Variants in SRRM5 observed in about 807,000 individuals in gnomAD.
SRRM5 encodes the protein serine/arginine repetitive matrix protein 5.
Under a neutral mutation model 1.3 loss-of-function variants are expected in SRRM5, and 1 was observed. That is an observed-to-expected ratio of 0.76 (90% CI 0.27 to 3.59). SRRM5 has a LOEUF of 3.59. Among genes scored for constraint, SRRM5 ranks in the 30% most tolerant of loss-of-function variants. The probability of loss-of-function intolerance (pLI) is 0.19; values close to 1 mark genes in which losing one functional copy is unlikely to be tolerated. For missense variants in SRRM5, 875 were observed against 914.5 expected (o/e 0.96, Z 0.56); for synonymous variants, 275 against 320.2 (o/e 0.86, Z 1.51).
chr19:43,614,101 C>G lies in SRRM5; in HGVS notation c.1980C>G (p.Ser660Arg). The G allele has an allele frequency of 6.3e-7, 1 of 1,581,782 alleles. No homozygotes were observed. The highest frequency in any genetic ancestry group is 1.3e-5 in the African/African-American group (1 of 74,114). The change falls in exon 1 of 1, where the codon AGC (serine) becomes AGG (arginine). Residue 660 changes from serine (S) to arginine (R), a missense_variant. Coordinates refer to ENST00000417606, the MANE Select transcript of SRRM5 (RefSeq NM_001145641.2). The stretch of plus-strand genomic sequence containing the variant: ...GGAAGAGATCCCCTACTAGGACAAG[C>G]AGTCTCAGTCAGAATAGAACCCCTA... ...PDWKRSPTRTSSLSQNRTPSK... is the reference protein window; with the variant it reads ...PDWKRSPTRTRSLSQNRTPSK...
At position 43,613,675 on chromosome 19, in the gene SRRM5, G is replaced by C; in HGVS notation, c.1554G>C (p.Glu518Asp). The stretch of plus-strand genomic sequence containing the variant: ...GACAATCTAGAAGCTCCAGCAAAGA[G>C]AGAGATCACAGACGATCTAGAAGCC... ...QCRQSRSSSK[E>D]RDHRRSRSPS... is the part of the protein sequence containing the mutation. The change falls in exon 1 of 1, where the codon GAG (glutamate) becomes GAC (aspartate). Residue 518 changes from glutamate to aspartate, a missense_variant. By Grantham distance (45) the Glu-to-Asp change is conservative (BLOSUM62 2). Transcript: ENST00000417606. 6.4e-7 allele frequency: 1 copy of C among 1,551,526 alleles called. No homozygotes were observed. The highest frequency in any genetic ancestry group is 8.7e-7 in the Non-Finnish European group (1 of 1,146,952).
rs766352511 is a variant in SRRM5, at chr19:43,614,165, G to A, written c.2044G>A (p.Gly682Arg). 1.1e-4 allele frequency: 174 copies of A among 1,613,968 alleles called. No individual in the cohort carries two copies. Among genetic ancestry groups the A allele is most frequent in the Non-Finnish European group, 1.4e-4 (164 of 1,179,984 alleles). Residue 682 changes from glycine (G) to arginine (R), a missense_variant, in exon 1 of 1, where the codon GGG (glycine) becomes AGG (arginine). Gly to Arg is a moderately radical substitution (Grantham distance 125). Coordinates refer to ENST00000417606, the MANE Select transcript of SRRM5 (RefSeq NM_001145641.2). ...SSHSPSTFPS[G>R]GQTLSQDDSQ... ...CCACTCCCCATCAACATTTCCCAGT[G>A]GGGGCCAAACCCTAAGCCAGGATGA...
chr19:43,614,157 T>C lies in SRRM5; in HGVS notation c.2036T>C (p.Phe679Ser), dbSNP rs769599198. ...ACAAGCAGCCACTCCCCATCAACAT[T>C]TCCCAGTGGGGGCCAAACCCTAAGC... ...SKTSSHSPST[F>S]PSGGQTLSQD... Residue 679 changes from phenylalanine (F) to serine (S), a missense_variant, in exon 1 of 1, where the codon TTT becomes TCT. By Grantham distance (155) the Phe-to-Ser change is radical (BLOSUM62 -2). Coordinates refer to ENST00000417606, the MANE Select transcript of SRRM5 (RefSeq NM_001145641.2). The C allele has an allele frequency of 6.2e-7, 1 of 1,613,862 alleles. No homozygotes were observed.
chr19:43,612,622 G>A lies in SRRM5; in HGVS notation c.501G>A (p.Gly167=). The part of the protein sequence containing the change: ...RVRTPTSQQK[G]SRGKSYGRPR... ...GAACTCCCACTTCACAGCAAAAAGGGAGCCGGGGAAAGAGTTACGGCCGGC... is the reference window on the plus strand; with the variant it reads ...GAACTCCCACTTCACAGCAAAAAGGAAGCCGGGGAAAGAGTTACGGCCGGC... The change falls in exon 1 of 1, where the codon GGG becomes GGA. Residue 167 remains glycine (G), a synonymous_variant. Coordinates refer to ENST00000417606, the MANE Select transcript of SRRM5 (RefSeq NM_001145641.2). This position sits in a 1 kb window ranked among gnomAD's most constrained non-coding sequence, Gnocchi z 4.2. 6.4e-7 allele frequency: 1 copy of A among 1,551,522 alleles called. No individual in the cohort carries two copies. Among genetic ancestry groups the A allele is most frequent in the Non-Finnish European group, 8.7e-7 (1 of 1,146,982 alleles).
In SRRM5 at chr19:43,613,504, T is replaced by G. The variant is rs771719204; in HGVS notation, c.1383T>G (p.His461Gln). ...GAAGTCCCAACAAGGCAAGAGATCA[T>G]AGCCGATCTAGAAGTCCCAACAAGG... ...RSRSPNKARD[H>Q]SRSRSPNKAR... The change falls in exon 1 of 1, where the codon CAT becomes CAG. Residue 461 changes from histidine to glutamine, a missense_variant. Coordinates refer to ENST00000417606, the MANE Select transcript of SRRM5 (RefSeq NM_001145641.2). The G allele has an allele frequency of 1.3e-6, 2 of 1,487,238 alleles. No homozygotes were observed. Among genetic ancestry groups the G allele is most frequent in the Admixed American group, 4.5e-5 (2 of 44,650 alleles). 92.1% of individuals were successfully genotyped at this position (1,487,238 alleles called of 1,614,324 possible).
rs1246826129 is a variant in SRRM5 at position 43,613,246 on chromosome 19, A to G, written c.1125A>G (p.Arg375=). The change falls in exon 1 of 1, where the codon AGA becomes AGG. Residue 375 remains arginine, a synonymous_variant. Coordinates refer to ENST00000417606, the MANE Select transcript of SRRM5 (RefSeq NM_001145641.2). ...HSHSRSSSKE[R]DHRGSSSPRK... ...ATTCCAGAAGCTCCAGCAAAGAGAG[A>G]GATCACAGGGGATCTAGCAGCCCCA... 2 of 1,551,670 alleles carry G rather than the reference A, an allele frequency of 1.3e-6. No individual in the cohort carries two copies. Among genetic ancestry groups the G allele is most frequent in the Admixed American group, 2.0e-5 (1 of 50,996 alleles).
chr19:43,612,535 G>T lies in SRRM5; in HGVS notation c.414G>T (p.Arg138Ser), dbSNP rs764828004. Reference protein sequence around the residue: ...GSRSSKRSPSRASTPGRIRTH... With the variant: ...GSRSSKRSPSSASTPGRIRTH... ...GCAGCTCCAAGAGGTCACCCAGCAG[G>T]GCCAGCACTCCTGGCAGGATAAGAA... Residue 138 changes from arginine to serine, a missense_variant, in exon 1 of 1, where the codon AGG becomes AGT. Physicochemically the swap from Arg to Ser is moderately radical, Grantham distance 110. Transcript: ENST00000417606. This position sits in a 1 kb window ranked among gnomAD's most constrained non-coding sequence, Gnocchi z 4.2. 1 of 1,551,394 alleles carries T rather than the reference G, an allele frequency of 6.4e-7. No homozygotes were observed. Among genetic ancestry groups the T allele is most frequent in the Non-Finnish European group, 8.7e-7 (1 of 1,146,960 alleles).
chr19:43,612,986 AG>A lies in SRRM5; in HGVS notation c.867del (p.Arg289SerfsTer14). ...TCACAGCCAATCTAGAAGCCCCAGA[AG>A]GTCAAGAAGTGGCAGTCAGAAGAGG... On this transcript the variant is annotated frameshift_variant, in exon 3 of 3. Coordinates refer to the SRRM5 transcript ENST00000607544. LOFTEE classifies it low-confidence loss of function (END_TRUNC). The surrounding 1 kb of genome is among the most constrained non-coding windows in gnomAD (Gnocchi z 4.2). 1 of 1,551,736 alleles carries A rather than the reference AG, an allele frequency of 6.4e-7. No homozygotes were observed.
At position 43,612,161 on chromosome 19, in the gene SRRM5, C is replaced by T. The variant is rs1418911225; in HGVS notation, c.40C>T (p.Leu14=). The change falls in exon 1 of 1, where the codon CTG becomes TTG. Residue 14 remains leucine (L), a synonymous_variant. Coordinates refer to ENST00000417606, the MANE Select transcript of SRRM5 (RefSeq NM_001145641.2). The surrounding 1 kb of genome is among the most constrained non-coding windows in gnomAD (Gnocchi z 4.2). ...GAGATCTTCAAAGCCCAGTATGTCTCTGGCACCCAGTGGATCCTCCATGCC... is the reference window on the plus strand; with the variant it reads ...GAGATCTTCAAAGCCCAGTATGTCTTTGGCACCCAGTGGATCCTCCATGCC... The part of the protein sequence containing the change: ...PKRSSKPSMS[L]APSGSSMPTA... The T allele has an allele frequency of 2.6e-6, 4 of 1,551,626 alleles. No individual in the cohort carries two copies. The Admixed American group carries it at 7.8e-5, about 30-fold the overall frequency.
rs1026029389 is a variant in SRRM5 at position 43,613,454 on chromosome 19, A to G, written c.1333A>G (p.Lys445Glu). ...TTGCAGCCGATCTAGAAGTCCCTAC[A>G]AGGCGAGAGATCGCAGCCGATCTAG... ...RDCSRSRSPY[K>E]ARDRSRSRSP... is the part of the protein sequence containing the mutation. The change falls in exon 1 of 1, where the codon AAG (lysine) becomes GAG (glutamate). Residue 445 changes from lysine (K) to glutamate (E), a missense_variant. By Grantham distance (56) the Lys-to-Glu change is moderately conservative. Transcript: ENST00000417606. 6.4e-5 allele frequency: 99 copies of G among 1,548,612 alleles called. No homozygotes were observed. Among genetic ancestry groups the G allele is most frequent in the Non-Finnish European group, 8.2e-5 (94 of 1,146,234 alleles).
Position 43,612,803 on chromosome 19 carries a change from A to G in SRRM5, c.682A>G (p.Lys228Glu). Residue 228 changes from lysine (K) to glutamate (E), a missense_variant, in exon 1 of 1, where the codon AAG (lysine) becomes GAG (glutamate). Coordinates refer to ENST00000417606, the MANE Select transcript of SRRM5 (RefSeq NM_001145641.2). This position sits in a 1 kb window ranked among gnomAD's most constrained non-coding sequence, Gnocchi z 4.2. Reference protein sequence around the residue: ...KCQTPTGIPSKEKSDNPSPSS... With the variant: ...KCQTPTGIPSEEKSDNPSPSS... ...TCAAACCCCGACTGGAATTCCCTCCAAGGAGAAGAGTGACAACCCATCTCC... is the reference window on the plus strand; with the variant it reads ...TCAAACCCCGACTGGAATTCCCTCCGAGGAGAAGAGTGACAACCCATCTCC... 3.2e-6 allele frequency: 5 copies of G among 1,551,618 alleles called. No individual in the cohort carries two copies. The highest frequency in any genetic ancestry group is 2.0e-5 in the Admixed American group (1 of 50,998).
rs375446507 is a variant in SRRM5, at chr19:43,614,352, C to T, written c.*83C>T. On this transcript the variant is annotated 3_prime_UTR_variant, in exon 1 of 1. Coordinates refer to ENST00000417606, the MANE Select transcript of SRRM5 (RefSeq NM_001145641.2). ...CAGGAGCAGAGCAGCAGCTGAGCAG[C>T]GTCCCTCCCCGGCCAGCTCTCCACA... 1.1e-4 allele frequency: 174 copies of T among 1,547,706 alleles called. No individual in the cohort carries two copies. Among genetic ancestry groups the T allele is most frequent in the Non-Finnish European group, 1.4e-4 (161 of 1,149,908 alleles).
rs149324069 is a variant in SRRM5, at chr19:43,613,617, G to A, written c.1496G>A (p.Arg499Gln). 1.2e-3 allele frequency: 1,919 copies of A among 1,548,630 alleles called. 1 individual carries two copies. The highest frequency in any genetic ancestry group is 1.6e-3 in the Non-Finnish European group (1,814 of 1,145,616). The change falls in exon 1 of 1, where the codon CGA (arginine) becomes CAA (glutamine). Residue 499 changes from arginine to glutamine, a missense_variant. By Grantham distance (43) the Arg-to-Gln change is conservative (BLOSUM62 1). Transcript: ENST00000417606. ...CCCAGCAAAGAGAGAGATCACAGACGATCTAGAAGCCCCAGCAAGGAGAGA... is the reference window on the plus strand; with the variant it reads ...CCCAGCAAAGAGAGAGATCACAGACAATCTAGAAGCCCCAGCAAGGAGAGA... ...GSPSKERDHR[R>Q]SRSPSKERQC...
Position 43,613,545 on chromosome 19 carries a change from G to T in SRRM5, c.1424G>T (p.Arg475Leu), listed in dbSNP as rs1188413507. Residue 475 changes from arginine (R) to leucine (L), a missense_variant, in exon 1 of 1, where the codon CGA (arginine) becomes CTA (leucine). Transcript: ENST00000417606. ...RSPNKARDRS[R>L]SRSPSKERDH... Reference sequence around the variant, plus strand: ...CCCAACAAGGCGAGAGATCGCAGCCGATCTAGAAGCCCCAGCAAGGAAAGA... The same window carrying T: ...CCCAACAAGGCGAGAGATCGCAGCCTATCTAGAAGCCCCAGCAAGGAAAGA... 1.3e-6 allele frequency: 2 copies of T among 1,551,160 alleles called. No individual in the cohort carries two copies. Among genetic ancestry groups the T allele is most frequent in the Non-Finnish European group, 1.7e-6 (2 of 1,146,838 alleles).
In SRRM5 at chr19:43,612,318, A is replaced by G; in HGVS notation, c.197A>G (p.Lys66Arg). ...AGCCCAAGCAGTTCCAAGTCCACCA[A>G]ATCGACCAGTACAAAAAGAGCCCCT... ...VMSPSSSKSTKSTSTKRAPSN... is the reference protein window; with the variant it reads ...VMSPSSSKSTRSTSTKRAPSN... The change falls in exon 1 of 1, where the codon AAA becomes AGA. Residue 66 changes from lysine (K) to arginine (R), a missense_variant. Physicochemically the swap from Lys to Arg is conservative, Grantham distance 26. Coordinates refer to ENST00000417606, the MANE Select transcript of SRRM5 (RefSeq NM_001145641.2). The surrounding 1 kb of genome is among the most constrained non-coding windows in gnomAD (Gnocchi z 4.2). 1.3e-6 allele frequency: 2 copies of G among 1,551,590 alleles called. No homozygotes were observed. Among genetic ancestry groups the G allele is most frequent in the Non-Finnish European group, 8.7e-7 (1 of 1,146,972 alleles).
Position 43,614,208 on chromosome 19 carries a change from C to T in SRRM5, c.2087C>T (p.Thr696Ile). ...CAGGATGACAGTCAAGCCGACGCCA[C>T]CACCTCTAAGGCCACCTTACCTGGG... The part of the protein sequence containing the change: ...LSQDDSQADA[T>I]TSKATLPGER... Residue 696 changes from threonine (T) to isoleucine (I), a missense_variant, in exon 1 of 1, where the codon ACC becomes ATC. By Grantham distance (89) the Thr-to-Ile change is moderately conservative. Transcript: ENST00000417606. 6.2e-7 allele frequency: 1 copy of T among 1,614,232 alleles called. No homozygotes were observed. The highest frequency in any genetic ancestry group is 8.5e-7 in the Non-Finnish European group (1 of 1,180,040).
rs372825538 is a variant in SRRM5 at position 43,613,719 on chromosome 19, G to A, written c.1598G>A (p.Arg533His). ...AGAAGCCCCAGCAAGGAGAGACAGC[G>A]CAGACAATCTAGAAGCCCCAACAAG... ...RSRSPSKERQ[R>H]RQSRSPNKER... The change falls in exon 1 of 1, where the codon CGC becomes CAC. Residue 533 changes from arginine to histidine, a missense_variant. Coordinates refer to ENST00000417606, the MANE Select transcript of SRRM5 (RefSeq NM_001145641.2). The A allele has an allele frequency of 1.1e-4, 169 of 1,544,978 alleles. No homozygotes were observed. The African/African-American group carries it at 1.2e-3, about 11-fold the overall frequency.
chr19:43,614,444 G>A lies in SRRM5; in HGVS notation c.*175G>A. 5.5e-6 allele frequency: 8 copies of A among 1,444,026 alleles called. No homozygotes were observed. The highest frequency in any genetic ancestry group is 7.3e-6 in the Non-Finnish European group (8 of 1,103,038). The allele number at this position is 1,444,026 out of a possible 1,614,324, so 89.5% of individuals were successfully genotyped here. A position where few individuals can be genotyped will look rare whatever the true frequency, so the allele number is the denominator to read the frequency against. Reference sequence around the variant, plus strand: ...CAGGTAGAGAGGGATGCTGGATAGGGGGAAAGGAAAGACCTGTGATGATTC... The same window carrying A: ...CAGGTAGAGAGGGATGCTGGATAGGAGGAAAGGAAAGACCTGTGATGATTC... On this transcript the variant is annotated 3_prime_UTR_variant, in exon 1 of 1. Coordinates refer to ENST00000417606, the MANE Select transcript of SRRM5 (RefSeq NM_001145641.2).
chr19:43,612,739 G>T lies in SRRM5; in HGVS notation c.618G>T (p.Arg206Ser), dbSNP rs768428535. 1.1e-5 allele frequency: 17 copies of T among 1,551,656 alleles called. No homozygotes were observed. In the South Asian group the frequency reaches 1.8e-4, roughly 16 times the overall value. ...CACCAGGAGGCTCAGGTATAGGGAGGAGTTCCGAGCTGGCTGTAACTCCCA... is the reference window on the plus strand; with the variant it reads ...CACCAGGAGGCTCAGGTATAGGGAGTAGTTCCGAGCTGGCTGTAACTCCCA... ...YRPPGGSGIGRSSELAVTPST... is the reference protein window; with the variant it reads ...YRPPGGSGIGSSSELAVTPST... The change falls in exon 1 of 1, where the codon AGG (arginine) becomes AGT (serine). Residue 206 changes from arginine to serine, a missense_variant. Physicochemically the swap from Arg to Ser is moderately radical, Grantham distance 110. Coordinates refer to ENST00000417606, the MANE Select transcript of SRRM5 (RefSeq NM_001145641.2). The surrounding 1 kb of genome is among the most constrained non-coding windows in gnomAD (Gnocchi z 4.2).
Sources: gnomAD v4.1 joint callset for allele counts on GRCh38, gnomAD v4.1.1 for gene constraint, Gnocchi (gnomAD v3.1) non-coding constraint, MANE v1.5 for transcripts, NCBI Gene and HGNC (gene_info 2026-07-23, HGNC 2026-07-21) for gene names.